SRGAP2: variants seen among roughly 807,000 people sequenced by gnomAD.
The protein encoded by SRGAP2 is SLIT-ROBO Rho GTPase activating protein 2.
In SRGAP2, 15 loss-of-function variants were observed where a neutral mutation model predicts 57.2. The ratio of observed to expected loss-of-function variants is 0.26; its 90% CI spans 0.18 to 0.40. The LOEUF (loss-of-function observed/expected upper bound fraction) is 0.40. Ranked by LOEUF, SRGAP2 falls within the 10% of genes least tolerant of loss-of-function variation. SRGAP2 has a pLI of 1.00. For synonymous variants in SRGAP2, 249 were observed against 248.0 expected (o/e 1.00, Z -0.04); for missense variants, 520 against 669.6 (o/e 0.78, Z 2.47).
intron 13 of SRGAP2, among the ~76,000 whole-genome samples, chr1:206,427,804 C>G (rs950428126): frequency 6.6e-6 from 1 of 152,154 alleles, no homozygotes; most frequent in Admixed American, 6.5e-5. Context: ...CATTCAGCTG[C>G]ATTATAAAAC....
Position 206,464,288 on chromosome 1 carries a change from G to C in SRGAP2, c.*2868G>C, listed in dbSNP as rs545313917. ...TTGTATGTCACATTTGTGTAAAATG[G>C]TATATTCTTTAAAATAGTGTTGATA... is the stretch of plus-strand genomic sequence containing the variant. On this transcript the variant is annotated 3_prime_UTR_variant, in exon 23 of 23. Transcript: ENST00000573034. 6.6e-6 allele frequency: 1 copy of C among 152,614 alleles called. No homozygotes were observed. Among genetic ancestry groups the C allele is most frequent in the Non-Finnish European group, 1.5e-5 (1 of 68,042 alleles). 9.5% of individuals were successfully genotyped at this position (152,614 alleles called of 1,614,324 possible).
chr1:206,239,452 A>G (rs1442009602), intron 2 of SRGAP2, among the ~76,000 whole-genome samples: 2 of 152,074 alleles, frequency 1.3e-5, no homozygotes, highest in African/African-American at 2.4e-5. Context: ...AAGTTAAAAG[A>G]AAAGTTTTTT....
chr1:206,416,171 G>A (rs1441938927), intron 11 of SRGAP2, among the ~76,000 whole-genome samples, 198 bp downstream of exon 11: 1 of 152,216 alleles, frequency 6.6e-6, no homozygotes. Context: ...GCTTAATGAA[G>A]CACTAACGTG....
At chr1:206,458,998 A>G (rs1553379617) in intron 22 of SRGAP2, 51 bp downstream of exon 22, 2 of 668,954 alleles carry the variant, frequency 3.0e-6, no homozygotes, top group Admixed American at 2.3e-5. Flanking sequence ...CATCACTACC[A>G]CTTAGTGCCA....
chr1:206,245,502 C>T (rs1464842828), intron 2 of SRGAP2, among the ~76,000 whole-genome samples: 2 of 152,146 alleles, frequency 1.3e-5, no homozygotes, highest in African/African-American at 4.8e-5. Flanking sequence ...TCATCTGACA[C>T]ATTGTGACCA....
At chr1:206,417,251 G>A (rs1383215626) in intron 11 of SRGAP2, among the ~76,000 whole-genome samples, 5 of 150,942 alleles carry the variant, frequency 3.3e-5, no homozygotes, top group Admixed American at 3.3e-4. Context: ...TTACAGGCAC[G>A]TGCCACCACG....
chr1:206,388,356 G>T (rs1297592655), intron 5 of SRGAP2, among the ~76,000 whole-genome samples: 2 of 151,980 alleles, frequency 1.3e-5, no homozygotes, highest in African/African-American at 4.8e-5. Context: ...TTGCCTATTT[G>T]ACTCTGGCAC....
At chr1:206,333,330 T>A (rs1571882113) in intron 3 of SRGAP2, 1 of 1,194,756 alleles carries the variant, frequency 8.4e-7, no homozygotes, top group East Asian at 2.4e-5. Context: ...AATCATTTAT[T>A]TTGAGCCAGG....
chr1:206,370,569 A>G (rs1245125085), intron 4 of SRGAP2, among the ~76,000 whole-genome samples: 2 of 152,092 alleles, frequency 1.3e-5, no homozygotes, highest in Non-Finnish European at 2.9e-5. Context: ...GACAGAAAGT[A>G]GATTAGTGGT....
intron 10 of SRGAP2, among the ~76,000 whole-genome samples, chr1:206,414,929 C>T (rs1659554361): frequency 6.6e-6 from 1 of 152,232 alleles, no homozygotes; most frequent in African/African-American, 2.4e-5. Flanking sequence ...CTCTCCTTCT[C>T]CTGCTCTGTA....
At chr1:206,455,143 C>T in intron 21 of SRGAP2, 119 bp downstream of exon 21, 2 of 759,130 alleles carry the variant, frequency 2.6e-6, no homozygotes, top group East Asian at 2.4e-5. Context: ...CTCCCCCAGC[C>T]TAACAGTTTG....
intron 2 of SRGAP2, among the ~76,000 whole-genome samples, chr1:206,266,980 T>TTG (rs1669890755): frequency 1.6e-5 from 2 of 124,298 alleles, no homozygotes; most frequent in Non-Finnish European, 3.4e-5. Context: ...TTTTTTTTTT[T>TTG]TTTTTTGAGA....
chr1:206,412,386 TG>T (rs1157607669), intron 10 of SRGAP2, among the ~76,000 whole-genome samples: 1 of 152,218 alleles, frequency 6.6e-6, no homozygotes, highest in Non-Finnish European at 1.5e-5. Flanking sequence ...TGAAAGTTGT[TG>T]GGGGTGGGCA....
At chr1:206,319,397 C>T (rs1285485623) in intron 3 of SRGAP2, among the ~76,000 whole-genome samples, 9 of 151,454 alleles carry the variant, frequency 5.9e-5, no homozygotes, top group Non-Finnish European at 1.0e-4. Context: ...GGTGACAGAG[C>T]GAGACTCCGT....
intron 22 of SRGAP2, among the ~76,000 whole-genome samples, chr1:206,460,063 T>C (rs2103422367): frequency 6.6e-6 from 1 of 152,316 alleles, no homozygotes; most frequent in Admixed American, 6.5e-5. Context: ...GAGAATGTCA[T>C]AGGGATGAGT....
chr1:206,376,900 G>GA (rs1449262773), intron 4 of SRGAP2, among the ~76,000 whole-genome samples: 7 of 150,438 alleles, frequency 4.7e-5, no homozygotes. Flanking sequence ...TTTATATGAT[G>GA]AAACGCAGCT....
At chr1:206,450,947 TAA>T (rs371400613) in intron 19 of SRGAP2, among the ~76,000 whole-genome samples, 80,646 of 143,426 alleles carry the variant, frequency 0.56, 22,882 homozygotes, top group East Asian at 0.73. Context: ...CCCTGTCTCT[TAA>T]AAAAAAAAAA....
At chr1:206,293,061 C>T (rs1273132377) in intron 2 of SRGAP2, among the ~76,000 whole-genome samples, 2 of 152,172 alleles carry the variant, frequency 1.3e-5, no homozygotes, top group African/African-American at 2.4e-5. Context: ...TCTACAGGAA[C>T]GTAGGGTCTG....
At chr1:206,414,871 T>C (rs2103212867) in intron 10 of SRGAP2, among the ~76,000 whole-genome samples, 1 of 152,358 alleles carries the variant, frequency 6.6e-6, no homozygotes, top group East Asian at 1.9e-4. Flanking sequence ...AAACCTGCTA[T>C]GTTGCTGCAT....
Sources: allele counts gnomAD v4.1 joint callset (sites outside exome capture counted in the v4.1 genomes callset), GRCh38; gene constraint gnomAD v4.1.1; transcripts MANE v1.5; gene names NCBI Gene and HGNC (gene_info 2026-07-23, HGNC 2026-07-21).